The following CD82 variants were observed in gnomAD, a reference collection of about 807,000 sequenced individuals.
CD82 encodes CD82 molecule, also known as CD82 antigen.
Under a neutral mutation model 37.4 loss-of-function variants are expected in CD82, and 36 were observed. The ratio of observed to expected loss-of-function variants is 0.96; its 90% CI spans 0.74 to 1.27. The LOEUF (loss-of-function observed/expected upper bound fraction) is 1.27. Ranked by LOEUF, CD82 falls within the 50% of genes most tolerant of loss-of-function variation. The pLI is 0.00. For synonymous variants in CD82, 158 were observed against 137.4 expected (o/e 1.15, Z -1.05); for missense variants, 340 against 347.0 (o/e 0.98, Z 0.16).
At chr11:44,574,908 G>T (rs1852868116) in intron 1 of CD82, among the ~76,000 whole-genome samples, 2 of 152,160 alleles carry the variant, frequency 1.3e-5, no homozygotes. Context: ...TGCACATTTA[G>T]GCCCTTTGAA....
intron 3 of CD82, among the ~76,000 whole-genome samples, chr11:44,596,293 G>A (rs372515379): frequency 2.0e-4 from 30 of 152,366 alleles, no homozygotes; most frequent in African/African-American, 6.3e-4. Flanking sequence ...GTGTCTGGGC[G>A]GAGACCCAGC....
At chr11:44,566,599 C>A (rs991427441) in intron 1 of CD82, among the ~76,000 whole-genome samples, 1 of 152,182 alleles carries the variant, frequency 6.6e-6, no homozygotes, top group Non-Finnish European at 1.5e-5. Context: ...GGATTCCATT[C>A]CCCCTCCAAA....
At chr11:44,590,324 C>CT (rs1352049153) in intron 2 of CD82, among the ~76,000 whole-genome samples, 2 of 151,622 alleles carry the variant, frequency 1.3e-5, no homozygotes, top group Admixed American at 1.3e-4. Context: ...AATATGAAAT[C>CT]TGGGCCGGGC....
intron 9 of CD82, 53 bp from the exon 10 acceptor site, chr11:44,618,996 C>T (rs955282682): frequency 9.0e-5 from 130 of 1,449,904 alleles, no homozygotes; most frequent in South Asian, 1.8e-4. Context: ...GAGGCTGGGG[C>T]GTCTGAGGCC....
At chr11:44,565,209 G>A (rs1220870708), upstream of CD82, among the ~76,000 whole-genome samples, 4 of 152,256 alleles carry the variant, frequency 2.6e-5, no homozygotes, top group Admixed American at 6.5e-5. Flanking sequence ...GCTGGTGCGG[G>A]GAGGGGCGTG....
At chr11:44,577,554 T>C (rs1852915384) in intron 1 of CD82, among the ~76,000 whole-genome samples, 1 of 152,156 alleles carries the variant, frequency 6.6e-6, no homozygotes, top group Non-Finnish European at 1.5e-5. Context: ...GGCATGCAGC[T>C]GAGTCTATGC....
chr11:44,595,324 C>T (rs959638309), intron 3 of CD82, among the ~76,000 whole-genome samples: 2 of 152,156 alleles, frequency 1.3e-5, no homozygotes, highest in African/African-American at 2.4e-5. Context: ...CCTGGGGCCT[C>T]GGTTTTCCTC....
At chr11:44,574,637 G>A (rs140020489) in intron 1 of CD82, among the ~76,000 whole-genome samples, 104 of 152,238 alleles carry the variant, frequency 6.8e-4, no homozygotes, top group African/African-American at 2.2e-3. Flanking sequence ...AAATTCAGGC[G>A]GTAAAGAACA....
chr11:44,597,196 T>G lies in CD82; in HGVS notation c.63+2471T>G, dbSNP rs1051208222. On this transcript the variant is annotated intron_variant, in intron 3 of 9. Transcript: ENST00000227155. This position sits in a 1 kb window ranked among gnomAD's most constrained non-coding sequence, Gnocchi z 4.1. ...CTGCGTGCATGTGCACCTGTATGTC[T>G]TTGCCTGTACTCCCTCTGGACTCCA... Among the ~76,000 whole-genome samples the G allele has an allele frequency of 6.6e-6, 1 of 152,234 alleles. No homozygotes were observed. The highest frequency in any genetic ancestry group is 2.4e-5 in the African/African-American group (1 of 41,460).
intron 3 of CD82, among the ~76,000 whole-genome samples, chr11:44,596,579 T>C (rs1027130867): frequency 1.3e-5 from 2 of 152,208 alleles, no homozygotes; most frequent in South Asian, 2.1e-4. Flanking sequence ...AGCTGCTCTC[T>C]GGCCAGGGCT....
intron 2 of CD82, among the ~76,000 whole-genome samples, chr11:44,591,756 C>T (rs1310295506): frequency 6.6e-6 from 1 of 152,168 alleles, no homozygotes; most frequent in Non-Finnish European, 1.5e-5. Flanking sequence ...TGAACATGGC[C>T]ACTTGTAGTA....
At chr11:44,604,979 C>T in intron 4 of CD82, 79 bp from the exon 5 acceptor site, 1 of 1,601,552 alleles carries the variant, frequency 6.2e-7, no homozygotes, top group Non-Finnish European at 8.6e-7. Context: ...AAGAGGGGAT[C>T]CGGAAGAAGA....
At chr11:44,613,086 G>T (rs976738121) in intron 6 of CD82, among the ~76,000 whole-genome samples, 1 of 152,174 alleles carries the variant, frequency 6.6e-6, no homozygotes, top group Admixed American at 6.5e-5. Context: ...TGGGAGTCAG[G>T]CTCTGAAACC....
At chr11:44,617,159 G>A (rs1013742072) in intron 7 of CD82, among the ~76,000 whole-genome samples, 6 of 152,154 alleles carry the variant, frequency 3.9e-5, no homozygotes, top group African/African-American at 1.4e-4. Flanking sequence ...ATCCTCCCAG[G>A]AACCCCCAGC....
intron 4 of CD82, chr11:44,604,733 TG>T (rs1479748498): frequency 2.7e-6 from 1 of 372,872 alleles, no homozygotes; most frequent in Non-Finnish European, 5.1e-6. Context: ...CTCAGGTCCT[TG>T]GTGGAGGGGG....
At position 44,605,260 on chromosome 11, in the gene CD82, G is replaced by A. The variant is rs187576957; in HGVS notation, c.261+78G>A. 5.0e-5 allele frequency: 81 copies of A among 1,607,638 alleles called. No homozygotes were observed. The African/African-American group carries it at 6.3e-4, about 12-fold the overall frequency. ...GTGCAGCCTGACCGCGGCGCTGGCC[G>A]TAACATCGGGTGGAGAGCATCTCTC... On this transcript the variant is annotated intron_variant, in intron 5 of 9. Coordinates refer to ENST00000227155, the MANE Select transcript of CD82 (RefSeq NM_002231.4).
At chr11:44,616,292 C>A (rs544872508) in intron 7 of CD82, among the ~76,000 whole-genome samples, 15 of 152,076 alleles carry the variant, frequency 9.9e-5, no homozygotes, top group Non-Finnish European at 1.8e-4. Context: ...TGGCCCTGAC[C>A]GAGGAGATCA....
chr11:44,587,020 C>T (rs1853065131), intron 1 of CD82, among the ~76,000 whole-genome samples: 1 of 152,186 alleles, frequency 6.6e-6, no homozygotes, highest in Non-Finnish European at 1.5e-5. Flanking sequence ...ACTCGGGCTG[C>T]TTCTTTGAGT....
intron 6 of CD82, among the ~76,000 whole-genome samples, chr11:44,614,756 A>G (rs1853536787): frequency 6.6e-6 from 1 of 152,218 alleles, no homozygotes; most frequent in Non-Finnish European, 1.5e-5. Context: ...ACATTGGAGC[A>G]GAGCCCTGAA....
Sources: allele counts gnomAD v4.1 joint callset (sites outside exome capture counted in the v4.1 genomes callset), GRCh38; gene constraint gnomAD v4.1.1; non-coding constraint Gnocchi (gnomAD v3.1); transcripts MANE v1.5; gene names NCBI Gene and HGNC (gene_info 2026-07-23, HGNC 2026-07-21).